Variants in SH3BGRL2 observed in about 807,000 individuals in gnomAD.
The protein encoded by SH3BGRL2 is SH3 domain-binding glutamic acid-rich-like protein 2.
SH3BGRL2 carries 21 observed loss-of-function variants against 14.8 expected under a neutral mutation model. The observed-to-expected ratio is 1.42, with a 90% confidence interval of 1.01 to 2.05. The LOEUF (loss-of-function observed/expected upper bound fraction) is 2.05, where lower values mean the gene tolerates loss of function less well. Ranked by LOEUF, SH3BGRL2 falls within the 30% of genes most tolerant of loss-of-function variation. The probability of loss-of-function intolerance (pLI) is 0.00; values close to 1 mark genes in which losing one functional copy is unlikely to be tolerated. For synonymous variants in SH3BGRL2, 50 were observed against 47.8 expected (o/e 1.05, Z -0.19); for missense variants, 147 against 130.8 (o/e 1.12, Z -0.61).
intron 1 of SH3BGRL2, among the ~76,000 whole-genome samples, chr6:79,638,075 G>GA (rs1768961683): frequency 6.6e-6 from 1 of 152,062 alleles, no homozygotes. Context: ...TCAAATCAGG[G>GA]TAATTGGCTT....
rs145577243 is a variant in SH3BGRL2 at position 79,639,249 on chromosome 6, T to C, written c.45+7743T>C. Reference sequence around the variant, plus strand: ...ATAGTGAATGTTTCACTTTCTAAAGTAGAAATTAGCATGACTTACTGATCA... The same window carrying C: ...ATAGTGAATGTTTCACTTTCTAAAGCAGAAATTAGCATGACTTACTGATCA... On this transcript the variant is annotated intron_variant, in intron 1 of 3. Transcript: ENST00000369838. Among the ~76,000 whole-genome samples the C allele has an allele frequency of 2.0e-5, 3 of 152,322 alleles. No homozygotes were observed. In the East Asian group the frequency reaches 5.8e-4, roughly 29 times the overall value.
At chr6:79,638,384 A>G (rs1768967056) in intron 1 of SH3BGRL2, among the ~76,000 whole-genome samples, 1 of 152,270 alleles carries the variant, frequency 6.6e-6, no homozygotes, top group Middle Eastern at 3.4e-3. Flanking sequence ...TGTCTTGGCT[A>G]TTGTGAATAG....
the SH3BGRL2 span, among the ~76,000 whole-genome samples, chr6:79,557,758 T>A: frequency 5.3e-5 from 8 of 152,194 alleles, no homozygotes; most frequent in African/African-American, 1.9e-4. Flanking sequence ...AGAGAATGAC[T>A]TTTTTCTAAG....
intron 1 of SH3BGRL2, among the ~76,000 whole-genome samples, chr6:79,666,142 A>G (rs1398580576): frequency 6.6e-6 from 1 of 152,178 alleles, no homozygotes; most frequent in Non-Finnish European, 1.5e-5. Flanking sequence ...GAGGTGTTTC[A>G]GTCTCTCCTG....
chr6:79,677,215 C>G (rs1883879), intron 2 of SH3BGRL2, among the ~76,000 whole-genome samples: 12,191 of 152,164 alleles, frequency 0.08, 615 homozygotes, highest in Non-Finnish European at 0.11. Flanking sequence ...CCTGTAGAAA[C>G]CTACCACATT....
At chr6:79,627,398 G>C (rs572280779), upstream of SH3BGRL2, among the ~76,000 whole-genome samples, 1 of 152,222 alleles carries the variant, frequency 6.6e-6, no homozygotes, top group Admixed American at 6.5e-5. Context: ...CCTTTAGAAG[G>C]GCTGTGGGTT....
chr6:79,671,779 T>G (rs1404933758), intron 1 of SH3BGRL2, among the ~76,000 whole-genome samples: 1 of 152,190 alleles, frequency 6.6e-6, no homozygotes, highest in African/African-American at 2.4e-5. Flanking sequence ...CTGAACTGCC[T>G]GCCCCCGCCA....
the SH3BGRL2 span, among the ~76,000 whole-genome samples, chr6:79,575,867 G>A: frequency 6.6e-6 from 1 of 151,914 alleles, no homozygotes. Context: ...CTGATATTTG[G>A]TTGTGTTTTT....
the SH3BGRL2 span, among the ~76,000 whole-genome samples, chr6:79,576,782 C>T: frequency 6.6e-6 from 1 of 152,120 alleles, no homozygotes; most frequent in Non-Finnish European, 1.5e-5. Context: ...CTTTGATGCC[C>T]CTTCTAAGGC....
At chr6:79,553,962 T>C in the SH3BGRL2 span, among the ~76,000 whole-genome samples, 1 of 143,504 alleles carries the variant, frequency 7.0e-6, no homozygotes, top group Non-Finnish European at 1.5e-5. Flanking sequence ...GGCGAGACTC[T>C]GTCTCAAAAA....
the SH3BGRL2 span, among the ~76,000 whole-genome samples, chr6:79,592,391 A>G: frequency 6.6e-6 from 1 of 152,202 alleles, no homozygotes; most frequent in Non-Finnish European, 1.5e-5. Flanking sequence ...AACAGGAGAA[A>G]TAGATATACA....
chr6:79,673,229 C>T (rs558603632), intron 1 of SH3BGRL2, among the ~76,000 whole-genome samples: 2 of 152,118 alleles, frequency 1.3e-5, no homozygotes, highest in Non-Finnish European at 2.9e-5. Context: ...CCATTCTTTC[C>T]AAGCTACCTG....
the SH3BGRL2 span, among the ~76,000 whole-genome samples, chr6:79,598,257 A>C: frequency 2.0e-5 from 3 of 152,230 alleles, no homozygotes; most frequent in African/African-American, 4.8e-5. Flanking sequence ...AGCCAGAAGG[A>C]ATAAAAATAT....
At position 79,650,840 on chromosome 6, in the gene SH3BGRL2, C is replaced by T. The variant is rs955404818; in HGVS notation, c.45+19334C>T. On this transcript the variant is annotated intron_variant, in intron 1 of 3. Coordinates refer to ENST00000369838, the MANE Select transcript of SH3BGRL2 (RefSeq NM_031469.4). ...CATCCAGACTTTCCCTTAAGTATAT[C>T]AATTTATGCCTACTATGGAAATGTG... 9.9e-5 allele frequency among the ~76,000 whole-genome samples: 15 copies of T among 151,376 alleles called. No individual in the cohort carries two copies. In the South Asian group the frequency reaches 2.3e-3, roughly 23 times the overall value.
At chr6:79,662,352 A>G (rs1769568744) in intron 1 of SH3BGRL2, among the ~76,000 whole-genome samples, 1 of 152,156 alleles carries the variant, frequency 6.6e-6, no homozygotes, top group Non-Finnish European at 1.5e-5. Flanking sequence ...TGGTGACAAA[A>G]TCTCTCAGCA....
At chr6:79,625,373 G>C in the SH3BGRL2 span, among the ~76,000 whole-genome samples, 1 of 152,044 alleles carries the variant, frequency 6.6e-6, no homozygotes, top group Non-Finnish European at 1.5e-5. Flanking sequence ...AGAATAGACA[G>C]AATTGGCCTG....
chr6:79,542,093 C>T, the SH3BGRL2 span, among the ~76,000 whole-genome samples: 1 of 152,126 alleles, frequency 6.6e-6, no homozygotes, highest in African/African-American at 2.4e-5. Context: ...ACCAGGACCA[C>T]TGCTCTGCCA....
chr6:79,585,767 T>A, the SH3BGRL2 span, among the ~76,000 whole-genome samples: 3 of 89,068 alleles, frequency 3.4e-5, no homozygotes, highest in Non-Finnish European at 7.7e-5. Context: ...ACTTTTTTGC[T>A]TTTTTTTTTT....
the SH3BGRL2 span, among the ~76,000 whole-genome samples, chr6:79,614,629 G>A: frequency 6.6e-6 from 1 of 152,146 alleles, no homozygotes; most frequent in Non-Finnish European, 1.5e-5. Context: ...TGCTGCCACA[G>A]TATTATAGAC....
Sources: gnomAD v4.1 joint callset for allele counts (sites outside exome capture counted in the v4.1 genomes callset) on GRCh38, gnomAD v4.1.1 for gene constraint, MANE v1.5 for transcripts, NCBI Gene and HGNC (gene_info 2026-07-23, HGNC 2026-07-21) for gene names.